The following STEAP1B variants were observed in gnomAD, a reference collection of about 807,000 sequenced individuals.
The protein encoded by STEAP1B is STEAP family protein MGC87042.
Under a neutral mutation model 27.9 loss-of-function variants are expected in STEAP1B, and 13 were observed. The observed-to-expected ratio is 0.47, with a 90% CI of 0.30 to 0.74. The LOEUF is 0.74. Among genes scored for constraint, STEAP1B ranks in the 30% least tolerant of loss-of-function variants. The pLI is 0.06. For missense variants in STEAP1B, 250 were observed against 298.7 expected (o/e 0.84, Z 1.20); for synonymous variants, 86 against 107.1 (o/e 0.80, Z 1.22).
At chr7:22,426,232 T>A (rs566684464) in intron 4 of STEAP1B, among the ~76,000 whole-genome samples, 42 of 152,328 alleles carry the variant, frequency 2.8e-4, no homozygotes, top group African/African-American at 1.0e-3. Flanking sequence ...ATTCAGTAGT[T>A]TGGCAAACCA....
At chr7:22,478,624 T>G (rs1786014298) in intron 4 of STEAP1B, among the ~76,000 whole-genome samples, 1 of 152,226 alleles carries the variant, frequency 6.6e-6, no homozygotes, top group Non-Finnish European at 1.5e-5. Flanking sequence ...ATGAGAATAC[T>G]TAACTCACTG....
chr7:22,438,932 G>T (rs1785291115), intron 4 of STEAP1B, among the ~76,000 whole-genome samples: 1 of 151,784 alleles, frequency 6.6e-6, no homozygotes. Flanking sequence ...AATGTTTTCA[G>T]CAGCAGCTGA....
intron 4 of STEAP1B, among the ~76,000 whole-genome samples, chr7:22,461,042 T>G (rs1025389437): frequency 4.6e-5 from 7 of 152,188 alleles, no homozygotes; most frequent in African/African-American, 1.7e-4. Context: ...AAACTGCCGC[T>G]TTCCTGGGTG....
At chr7:22,490,185 T>A (rs1170560749) in intron 4 of STEAP1B, among the ~76,000 whole-genome samples, 17 of 152,148 alleles carry the variant, frequency 1.1e-4, no homozygotes, top group Non-Finnish European at 1.8e-4. Context: ...AACTTTTTTT[T>A]AAAAAACTGA....
chr7:22,433,176 A>G (rs1785212397), intron 4 of STEAP1B, among the ~76,000 whole-genome samples: 1 of 152,144 alleles, frequency 6.6e-6, no homozygotes, highest in Non-Finnish European at 1.5e-5. Flanking sequence ...CAAAAAGCAA[A>G]CTTCGCAAGC....
intron 4 of STEAP1B, among the ~76,000 whole-genome samples, chr7:22,444,502 G>A (rs1341499404): frequency 6.6e-6 from 1 of 152,148 alleles, no homozygotes. Flanking sequence ...ACCCATCATG[G>A]GGATTCCAGG....
At chr7:22,421,144 T>C (rs769202275) in intron 4 of STEAP1B, among the ~76,000 whole-genome samples, 2 of 152,254 alleles carry the variant, frequency 1.3e-5, no homozygotes, top group Admixed American at 6.5e-5. Context: ...TATTAATCTA[T>C]TGAACACTGG....
At chr7:22,493,254 A>G in intron 3 of STEAP1B, 70 bp downstream of exon 3, 1 of 1,450,510 alleles carries the variant, frequency 6.9e-7, no homozygotes, top group Non-Finnish European at 9.3e-7. Context: ...TGATATTACA[A>G]TGAGAAATGA....
At chr7:22,460,381 T>C (rs1299545001) in intron 4 of STEAP1B, among the ~76,000 whole-genome samples, 1 of 150,484 alleles carries the variant, frequency 6.6e-6, no homozygotes, top group Non-Finnish European at 1.5e-5. Context: ...TATGGTTCCT[T>C]GGGACTGAGG....
At position 22,493,653 on chromosome 7, in the gene STEAP1B, G is replaced by T; in HGVS notation, c.268C>A (p.Leu90Ile). ...AAAGGGTGAATTACTTCCCTCAGAA[G>T]AGTGTAAAGAAAAGTCAGAGATGCC... ...VMASLTFLYT[L>I]LREVIHPLAT... Residue 90 changes from leucine (L) to isoleucine (I), a missense_variant, in exon 3 of 5, where the codon CTT becomes ATT. Coordinates refer to ENST00000678116, the MANE Select transcript of STEAP1B (RefSeq NM_001382447.1). 6.2e-7 allele frequency: 1 copy of T among 1,614,028 alleles called. No homozygotes were observed. Among genetic ancestry groups the T allele is most frequent in the Non-Finnish European group, 8.5e-7 (1 of 1,179,880 alleles).
chr7:22,422,712 C>A (rs1278532094), intron 4 of STEAP1B, among the ~76,000 whole-genome samples: 1 of 152,146 alleles, frequency 6.6e-6, no homozygotes, highest in Admixed American at 6.5e-5. Context: ...CCAGGTTGGT[C>A]TCGAACTCCT....
At chr7:22,427,644 G>A (rs1353728853) in intron 4 of STEAP1B, among the ~76,000 whole-genome samples, 1 of 152,154 alleles carries the variant, frequency 6.6e-6, no homozygotes, top group East Asian at 1.9e-4. Flanking sequence ...AAAAACAGAT[G>A]AACTAAACAT....
chr7:22,438,644 G>A lies in STEAP1B; in HGVS notation c.763-18808C>T, dbSNP rs750682063. On this transcript the variant is annotated intron_variant, in intron 4 of 4. Transcript: ENST00000678116. ...CTAGTCTTGGAAGGTGGTGGGAAAT[G>A]GATTCCACACTGCTGCTCCTGCCAG... is the stretch of plus-strand genomic sequence containing the variant. 3.9e-6 allele frequency: 6 copies of A among 1,552,060 alleles called. No individual in the cohort carries two copies. In the East Asian group the frequency reaches 1.2e-4, roughly 32 times the overall value.
chr7:22,497,210 C>A (rs1002158014), intron 1 of STEAP1B, among the ~76,000 whole-genome samples: 5 of 152,168 alleles, frequency 3.3e-5, no homozygotes, highest in Admixed American at 6.5e-5. Context: ...TGGTCATTCT[C>A]TGATATTTAT....
intron 4 of STEAP1B, among the ~76,000 whole-genome samples, chr7:22,464,678 C>T (rs1166587991): frequency 3.3e-5 from 5 of 151,544 alleles, no homozygotes; most frequent in Admixed American, 6.6e-5. Context: ...CAGAGATGCA[C>T]GCACACAGAA....
chr7:22,439,206 G>A (rs1223873718), intron 4 of STEAP1B, among the ~76,000 whole-genome samples: 1 of 152,128 alleles, frequency 6.6e-6, no homozygotes, highest in African/African-American at 2.4e-5. Context: ...AGCTGCAGAA[G>A]GTGTGTTTAC....
intron 4 of STEAP1B, among the ~76,000 whole-genome samples, chr7:22,491,080 A>G (rs1476308405): frequency 6.6e-6 from 1 of 152,232 alleles, no homozygotes; most frequent in African/African-American, 2.4e-5. Context: ...TTTGAAAAGT[A>G]GCAACTCATT....
At chr7:22,471,248 A>G (rs1425326295) in intron 4 of STEAP1B, among the ~76,000 whole-genome samples, 1 of 152,180 alleles carries the variant, frequency 6.6e-6, no homozygotes, top group Non-Finnish European at 1.5e-5. Context: ...TGCTGTTAAA[A>G]TATCTAAAAC....
At chr7:22,453,751 G>A (rs763052174) in intron 4 of STEAP1B, among the ~76,000 whole-genome samples, 27 of 152,166 alleles carry the variant, frequency 1.8e-4, no homozygotes, top group Non-Finnish European at 2.9e-4. Flanking sequence ...GACGTCCATT[G>A]ACATAGAGTT....
Sources: gnomAD v4.1 joint callset for allele counts (sites outside exome capture counted in the v4.1 genomes callset) on GRCh38, gnomAD v4.1.1 for gene constraint, MANE v1.5 for transcripts, NCBI Gene and HGNC (gene_info 2026-07-23, HGNC 2026-07-21) for gene names.